Variants in RGMA observed in about 807,000 individuals in gnomAD.
RGMA encodes repulsive guidance molecule A.
In RGMA, 10 loss-of-function variants were observed where a neutral mutation model predicts 23.2. The observed-to-expected ratio is 0.43, with a 90% CI of 0.27 to 0.73. The LOEUF is 0.73. Among genes scored for constraint, RGMA ranks in the 30% least tolerant of loss-of-function variants. The pLI is 0.20. For missense variants in RGMA, 547 were observed against 630.5 expected (o/e 0.87, Z 1.42); for synonymous variants, 308 against 279.3 (o/e 1.10, Z -1.03).
At chr15:93,076,601 G>A (rs1476250959) in intron 1 of RGMA, among the ~76,000 whole-genome samples, 1 of 152,100 alleles carries the variant, frequency 6.6e-6, no homozygotes, top group Non-Finnish European at 1.5e-5. Flanking sequence ...CAAAAAAGGT[G>A]GTGTCTTTCA....
Position 93,088,954 on chromosome 15 carries a change from G to C in RGMA, c.-22C>G. 7.2e-7 allele frequency: 1 copy of C among 1,392,122 alleles called. No individual in the cohort carries two copies. Among genetic ancestry groups the C allele is most frequent in the Non-Finnish European group, 9.3e-7 (1 of 1,080,496 alleles). The allele number at this position is 1,392,122 out of a possible 1,614,324, so 86.2% of individuals were successfully genotyped here. ...GCATGAGCCCCTGCGGCCCGCGGGG[G>C]GTGGCGCTGGCGGGGCTGCGGGAGA... On this transcript the variant is annotated 5_prime_UTR_variant, in exon 1 of 4. Coordinates refer to ENST00000329082, the MANE Select transcript of RGMA (RefSeq NM_020211.3).
chr15:93,074,511 G>A (rs903887426), intron 1 of RGMA, among the ~76,000 whole-genome samples: 2 of 152,220 alleles, frequency 1.3e-5, no homozygotes, highest in East Asian at 1.9e-4. Context: ...AGGGCAACAC[G>A]AAGCTGCTCT....
intron 2 of RGMA, among the ~76,000 whole-genome samples, chr15:93,070,629 C>G (rs1895291971): frequency 6.6e-6 from 1 of 152,190 alleles, no homozygotes; most frequent in Non-Finnish European, 1.5e-5. Context: ...CTAGAGCACA[C>G]AAGTTTTGGA....
chr15:93,073,730 C>T, intron 1 of RGMA: 2 of 1,537,224 alleles, frequency 1.3e-6, no homozygotes, highest in Middle Eastern at 1.7e-4. Context: ...TCGAGGTTCC[C>T]GCCCGTCGTG....
Position 93,045,002 on chromosome 15 carries a change from C to T in RGMA, c.1349G>A (p.Cys450Tyr). Residue 450 changes from cysteine (C) to tyrosine (Y), a missense_variant, in exon 4 of 4, where the codon TGC becomes TAC. Transcript: ENST00000329082. The surrounding 1 kb of genome is among the most constrained non-coding windows in gnomAD (Gnocchi z 6.9). ...CCTCCCTCCACATCTACGCGTCTAGCAGAACACAGGGAGCAGGGCCAGGAG... is the reference window on the plus strand; with the variant it reads ...CCTCCCTCCACATCTACGCGTCTAGTAGAACACAGGGAGCAGGGCCAGGAG... Reference protein sequence around the residue: ...VPLLALLPVFC With the variant: ...VPLLALLPVFY 1 of 1,598,034 alleles carries T rather than the reference C, an allele frequency of 6.3e-7. No individual in the cohort carries two copies. Among genetic ancestry groups the T allele is most frequent in the East Asian group, 2.3e-5 (1 of 44,342 alleles).
At chr15:93,071,845 G>A (rs985482764) in intron 2 of RGMA, among the ~76,000 whole-genome samples, 2 of 152,196 alleles carry the variant, frequency 1.3e-5, no homozygotes, top group African/African-American at 4.8e-5. Context: ...GCTGTGGTGC[G>A]AAACAAGATG....
intron 1 of RGMA, among the ~76,000 whole-genome samples, chr15:93,087,479 A>AAAAC (rs1224809289): frequency 5.3e-5 from 8 of 151,012 alleles, no homozygotes; most frequent in Admixed American, 4.0e-4. Context: ...AAAAAAAAAA[A>AAAAC]AAAAACCACA....
intron 1 of RGMA, among the ~76,000 whole-genome samples, chr15:93,087,740 G>A (rs1366894697): frequency 6.6e-6 from 1 of 152,158 alleles, no homozygotes; most frequent in Admixed American, 6.5e-5. Context: ...TTTATATTAC[G>A]TTTTTGCTGG....
At chr15:93,072,518 CA>C (rs1299221893) in intron 2 of RGMA, among the ~76,000 whole-genome samples, 2 of 152,106 alleles carry the variant, frequency 1.3e-5, no homozygotes, top group Non-Finnish European at 2.9e-5. Context: ...GGGCACCCGG[CA>C]GGTTTGCAAA....
chr15:93,065,502 A>T, intron 2 of RGMA: 1 of 540,262 alleles, frequency 1.9e-6, no homozygotes, highest in Admixed American at 2.6e-5. Context: ...GAAACGGGGA[A>T]CAGGGTACTG....
chr15:93,054,098 T>C (rs2054972827), intron 2 of RGMA, among the ~76,000 whole-genome samples: 1 of 151,794 alleles, frequency 6.6e-6, no homozygotes, highest in African/African-American at 2.4e-5. Context: ...GGCATGGTGG[T>C]GCGCACCTGT....
chr15:93,051,291 C>T (rs2054914622), intron 3 of RGMA, among the ~76,000 whole-genome samples: 1 of 152,210 alleles, frequency 6.6e-6, no homozygotes, highest in African/African-American at 2.4e-5. Flanking sequence ...CACGGCCTTC[C>T]AACTGGCTCT....
At chr15:93,063,256 A>C (rs1895029433) in intron 2 of RGMA, among the ~76,000 whole-genome samples, 1 of 152,234 alleles carries the variant, frequency 6.6e-6, no homozygotes, top group Admixed American at 6.5e-5. Context: ...GCAGATGCTG[A>C]GATGCCCTCC....
At chr15:93,066,671 G>A (rs1895166179) in intron 2 of RGMA, 1 of 402,454 alleles carries the variant, frequency 2.5e-6, no homozygotes, top group East Asian at 8.3e-5. Flanking sequence ...GTCCAGTACC[G>A]GCCCCCGCCG....
At chr15:93,062,626 C>G (rs915040220) in intron 2 of RGMA, 1 of 152,180 alleles carries the variant, frequency 6.6e-6, no homozygotes, top group Non-Finnish European at 1.5e-5. Context: ...TTCTGCAAAC[C>G]CCATCTCTTT....
intron 2 of RGMA, chr15:93,065,832 C>A (rs1895126182): frequency 1.3e-6 from 1 of 787,114 alleles, no homozygotes; most frequent in Admixed American, 1.8e-5. Context: ...ACCCGCTCAC[C>A]TCCCTGCTGT....
chr15:93,088,876 A>G (rs1354960603), intron 1 of RGMA, 43 bp downstream of exon 1: 1 of 1,490,498 alleles, frequency 6.7e-7, no homozygotes. Flanking sequence ...GGCGCCTCGG[A>G]GATGTCAGAG....
intron 3 of RGMA, among the ~76,000 whole-genome samples, chr15:93,050,089 C>T (rs2054893273): frequency 6.6e-6 from 1 of 152,240 alleles, no homozygotes; most frequent in Non-Finnish European, 1.5e-5. Context: ...CCCCAGTTCT[C>T]TGGACAGAGC....
intron 3 of RGMA, among the ~76,000 whole-genome samples, chr15:93,050,194 T>TGGGA: frequency 6.6e-6 from 1 of 152,162 alleles, no homozygotes; most frequent in East Asian, 1.9e-4. Context: ...TGGGAGCTTC[T>TGGGA]GGGAGGGAGG....
Sources: gnomAD v4.1 joint callset for allele counts (sites outside exome capture counted in the v4.1 genomes callset) on GRCh38, gnomAD v4.1.1 for gene constraint, Gnocchi (gnomAD v3.1) non-coding constraint, MANE v1.5 for transcripts, NCBI Gene and HGNC (gene_info 2026-07-23, HGNC 2026-07-21) for gene names.